Variants in GDF1 observed in about 807,000 individuals in gnomAD.
GDF1 encodes embryonic growth/differentiation factor 1.
GDF1 carries 8 observed loss-of-function variants against 7.4 expected under a neutral mutation model. The observed-to-expected ratio is 1.09, with a 90% CI of 0.64 to 1.96. GDF1 has a LOEUF of 1.96. Ranked by LOEUF, GDF1 falls within the 30% of genes most tolerant of loss-of-function variation. GDF1 has a pLI of 0.00. For synonymous variants in GDF1, 311 were observed against 276.7 expected (o/e 1.12, Z -1.23); for missense variants, 574 against 551.5 (o/e 1.04, Z -0.41).
intron 6 of GDF1, among the ~76,000 whole-genome samples, chr19:18,873,135 A>C (rs1051488075): frequency 6.6e-6 from 1 of 152,130 alleles, no homozygotes; most frequent in African/African-American, 2.4e-5. Flanking sequence ...TTTGCCCCAA[A>C]TTGCTGTCAA....
In GDF1 at chr19:18,884,074, A is replaced by T; in HGVS notation, c.-733+13T>A. ...CTGTGCCTCGGCCCCCTGCCACCCG[A>T]TCCTGTCCTTACCGGAAGGCGTAGG... On this transcript the variant is annotated intron_variant, in intron 3 of 7. Transcript: ENST00000247005. 1.2e-6 allele frequency: 2 copies of T among 1,608,898 alleles called. No individual in the cohort carries two copies. The highest frequency in any genetic ancestry group is 1.1e-5 in the South Asian group (1 of 90,602).
In GDF1 at chr19:18,868,801, C is replaced by T. The variant is rs2055902278; in HGVS notation, c.915G>A (p.Ala305=). The change falls in exon 8 of 8, where the codon GCG becomes GCA. Residue 305 remains alanine, a synonymous_variant. Coordinates refer to ENST00000247005, the MANE Select transcript of GDF1 (RefSeq NM_001492.6). ...YCQGQCALPV[A]LSGSGGPPAL... ...CCGGCGGCCCCCCGGACCCCGACAG[C>T]GCGACGGGCAGCGCGCACTGACCCT... The T allele has an allele frequency of 2.1e-6, 3 of 1,457,434 alleles. No individual in the cohort carries two copies. Among genetic ancestry groups the T allele is most frequent in the East Asian group, 6.3e-5 (2 of 31,700 alleles). The allele number at this position is 1,457,434 out of a possible 1,614,324, so 90.3% of individuals were successfully genotyped here.
intron 6 of GDF1, among the ~76,000 whole-genome samples, chr19:18,874,347 C>CA (rs1303455981): frequency 6.6e-6 from 1 of 152,162 alleles, no homozygotes; most frequent in Non-Finnish European, 1.5e-5. Context: ...TCTGTTACCG[C>CA]AGCTGGGGTG....
intron 2 of GDF1, among the ~76,000 whole-genome samples, chr19:18,888,483 A>G (rs556145229): frequency 3.7e-5 from 5 of 133,438 alleles, no homozygotes; most frequent in Non-Finnish European, 7.7e-5. Context: ...ACACCACCAC[A>G]CTCCAGCCTG....
intron 4 of GDF1, 119 bp downstream of exon 4, chr19:18,880,155 G>C (rs2146017774): frequency 1.1e-6 from 1 of 948,456 alleles, no homozygotes; most frequent in Non-Finnish European, 1.5e-6. Context: ...CCCCTGTCAT[G>C]CCACACACCC....
chr19:18,869,326 G>A lies in GDF1; in HGVS notation c.390C>T (p.Val130=), dbSNP rs2055917100. The A allele has an allele frequency of 2.6e-6, 4 of 1,527,288 alleles. No individual in the cohort carries two copies. The highest frequency in any genetic ancestry group is 2.5e-5 in the East Asian group (1 of 39,644). 94.6% of individuals were successfully genotyped at this position (1,527,288 alleles called of 1,614,324 possible). ...CGGGTTCCACAGCCGACAGGTCGAA[G>A]ACGACTGTCCACTCAGGGCAATGCC... ...AAGHCPEWTV[V]FDLSAVEPAE... Residue 130 remains valine (V), a synonymous_variant, in exon 8 of 8, where the codon GTC becomes GTT. Coordinates refer to ENST00000247005, the MANE Select transcript of GDF1 (RefSeq NM_001492.6).
At chr19:18,892,671 G>A (rs1281023710) in intron 2 of GDF1, among the ~76,000 whole-genome samples, 1 of 152,058 alleles carries the variant, frequency 6.6e-6, no homozygotes, top group African/African-American at 2.4e-5. Flanking sequence ...TCAGCTCTCT[G>A]CAGCCACCCT....
At position 18,884,083 on chromosome 19, in the gene GDF1, T is replaced by C; in HGVS notation, c.-733+4A>G. The C allele has an allele frequency of 1.2e-6, 2 of 1,611,276 alleles. No homozygotes were observed. Among genetic ancestry groups the C allele is most frequent in the Non-Finnish European group, 1.7e-6 (2 of 1,178,312 alleles). ...GGCCCCCTGCCACCCGATCCTGTCC[T>C]TACCGGAAGGCGTAGGAGGAGACGA... On this transcript the variant is annotated splice_donor_region_variant and intron_variant, in intron 3 of 7. Transcript: ENST00000247005.
chr19:18,886,016 C>T (rs188098022), intron 2 of GDF1, among the ~76,000 whole-genome samples: 70 of 152,318 alleles, frequency 4.6e-4, no homozygotes, highest in African/African-American at 1.5e-3. Context: ...CTGACCACCA[C>T]GCTCAGGTGA....
At chr19:18,886,179 G>A (rs1303850870) in intron 2 of GDF1, among the ~76,000 whole-genome samples, 4 of 150,906 alleles carry the variant, frequency 2.7e-5, no homozygotes, top group Non-Finnish European at 4.4e-5. Context: ...GCCGAGGCAG[G>A]AGAGTTGCTT....
rs1236202209 is a variant in GDF1, at chr19:18,869,199, C to T, written c.517G>A (p.Gly173Ser). Residue 173 changes from glycine to serine, a missense_variant, in exon 8 of 8, where the codon GGC (glycine) becomes AGC (serine). Gly to Ser is a moderately conservative substitution (Grantham distance 56, BLOSUM62 0). Transcript: ENST00000247005. ...WELSVAQAGQGAGADPGPVLL... is the reference protein window; with the variant it reads ...WELSVAQAGQSAGADPGPVLL... ...ACCGGCCCGGGGTCCGCGCCCGCGC[C>T]CTGGCCCGCTTGCGCCACGCTCAGC... 44 of 1,254,408 alleles carry T rather than the reference C, an allele frequency of 3.5e-5. No individual in the cohort carries two copies. Among genetic ancestry groups the T allele is most frequent in the Non-Finnish European group, 4.3e-5 (43 of 1,001,922 alleles). 77.7% of individuals were successfully genotyped at this position (1,254,408 alleles called of 1,614,324 possible).
intron 4 of GDF1, 87 bp downstream of exon 4, chr19:18,880,187 T>A: frequency 1.6e-6 from 2 of 1,274,912 alleles, no homozygotes; most frequent in Non-Finnish European, 2.1e-6. Flanking sequence ...CCCCGCCTCC[T>A]TCCCTGCCTG....
Position 18,870,591 on chromosome 19 carries a change from C to T in GDF1, c.-284G>A, listed in dbSNP as rs1475858002. Reference sequence around the variant, plus strand: ...GGCCGAGGGGTTCAGAAGCGCTTGTCCTTCACCAGGCCGTTCCTCAGTGGC... The same window carrying T: ...GGCCGAGGGGTTCAGAAGCGCTTGTTCTTCACCAGGCCGTTCCTCAGTGGC... On this transcript the variant is annotated 5_prime_UTR_variant, in exon 7 of 8. Coordinates refer to ENST00000247005, the MANE Select transcript of GDF1 (RefSeq NM_001492.6). This position sits in a 1 kb window ranked among gnomAD's most constrained non-coding sequence, Gnocchi z 5.1. The T allele has an allele frequency of 6.8e-6, 4 of 591,840 alleles. No homozygotes were observed. Among genetic ancestry groups the T allele is most frequent in the Admixed American group, 3.0e-5 (1 of 33,408 alleles). 36.7% of individuals were successfully genotyped at this position (591,840 alleles called of 1,614,324 possible).
intron 6 of GDF1, among the ~76,000 whole-genome samples, chr19:18,873,949 T>A (rs1352991745): frequency 6.6e-6 from 1 of 150,836 alleles, no homozygotes; most frequent in African/African-American, 2.4e-5. Context: ...GGGAGGAAGA[T>A]GGGGCACAGC....
chr19:18,872,161 G>C (rs558797117), intron 6 of GDF1, among the ~76,000 whole-genome samples: 2 of 152,296 alleles, frequency 1.3e-5, no homozygotes, highest in South Asian at 2.1e-4. Context: ...TAGCATCCTC[G>C]GTGATGGGTG....
chr19:18,884,039 T>G lies in GDF1; in HGVS notation c.-733+48A>C, dbSNP rs1335777234. The G allele has an allele frequency of 2.5e-6, 4 of 1,577,860 alleles. No homozygotes were observed. In the African/African-American group the frequency reaches 4.0e-5, roughly 16 times the overall value. ...CCCGCCGCAACATCAGCCTCCGCAC[T>G]CTGTGTGGGCTGTGCCTCGGCCCCC... On this transcript the variant is annotated intron_variant, in intron 3 of 7. Coordinates refer to ENST00000247005, the MANE Select transcript of GDF1 (RefSeq NM_001492.6).
In GDF1 at chr19:18,895,193, T is replaced by A. The variant is rs1601195841; in HGVS notation, c.-1074+631A>T. Among the ~76,000 whole-genome samples the A allele has an allele frequency of 6.6e-6, 1 of 152,136 alleles. No homozygotes were observed. Among genetic ancestry groups the A allele is most frequent in the East Asian group, 1.9e-4 (1 of 5,182 alleles). ...GCCCTTGCCATCCCTGGTCGGAGGGTGGCGCTGACCCCAGATAGGCACAAG... is the reference window on the plus strand; with the variant it reads ...GCCCTTGCCATCCCTGGTCGGAGGGAGGCGCTGACCCCAGATAGGCACAAG... On this transcript the variant is annotated intron_variant, in intron 1 of 7. Transcript: ENST00000247005. The surrounding 1 kb of genome is among the most constrained non-coding windows in gnomAD (Gnocchi z 6.4).
chr19:18,868,795 C>G lies in GDF1; in HGVS notation c.921G>C (p.Ser307=). The G allele has an allele frequency of 2.1e-6, 3 of 1,457,732 alleles. No individual in the cohort carries two copies. The highest frequency in any genetic ancestry group is 1.8e-6 in the Non-Finnish European group (2 of 1,094,880). The allele number at this position is 1,457,732 out of a possible 1,614,324, so 90.3% of individuals were successfully genotyped here. The part of the protein sequence containing the change: ...QGQCALPVAL[S]GSGGPPALNH... ...TGAGCGCCGGCGGCCCCCCGGACCCCGACAGCGCGACGGGCAGCGCGCACT... is the reference window on the plus strand; with the variant it reads ...TGAGCGCCGGCGGCCCCCCGGACCCGGACAGCGCGACGGGCAGCGCGCACT... Residue 307 remains serine (S), a synonymous_variant, in exon 8 of 8, where the codon TCG becomes TCC. Transcript: ENST00000247005.
intron 6 of GDF1, among the ~76,000 whole-genome samples, chr19:18,876,535 G>GTT (rs762290639): frequency 1.5e-5 from 1 of 66,744 alleles, no homozygotes; most frequent in Admixed American, 1.8e-4. Flanking sequence ...TTTTGATTGG[G>GTT]TTGTGTGTGT....
Sources: allele counts gnomAD v4.1 joint callset (sites outside exome capture counted in the v4.1 genomes callset), GRCh38; gene constraint gnomAD v4.1.1; non-coding constraint Gnocchi (gnomAD v3.1); transcripts MANE v1.5; gene names NCBI Gene and HGNC (gene_info 2026-07-23, HGNC 2026-07-21).